SYTL2: variants seen among roughly 807,000 people sequenced by gnomAD.
The protein encoded by SYTL2 is synaptotagmin like 2.
SYTL2 carries 165 observed loss-of-function variants against 198.7 expected under a neutral mutation model. The ratio of observed to expected loss-of-function variants is 0.83; its 90% CI spans 0.73 to 0.94. The LOEUF (loss-of-function observed/expected upper bound fraction) is 0.94, where lower values mean the gene tolerates loss of function less well. Ranked by LOEUF, SYTL2 falls within the 40% of genes least tolerant of loss-of-function variation. SYTL2 has a pLI of 0.00. For missense variants in SYTL2, 2,835 were observed against 2,582.8 expected (o/e 1.10, Z -2.12); for synonymous variants, 966 against 917.7 (o/e 1.05, Z -0.95).
intron 1 of SYTL2, among the ~76,000 whole-genome samples, chr11:85,805,103 C>CA (rs1361929469): frequency 6.6e-6 from 1 of 152,108 alleles, no homozygotes; most frequent in Non-Finnish European, 1.5e-5. Context: ...CATGCTATGA[C>CA]AATAGTTGCA....
chr11:85,784,711 G>A (rs531847915), intron 1 of SYTL2, among the ~76,000 whole-genome samples: 10 of 152,178 alleles, frequency 6.6e-5, no homozygotes, highest in South Asian at 4.2e-4. Flanking sequence ...TTACATGTTC[G>A]TTTTATTAAA....
chr11:85,848,269 G>GA, the SYTL2 span, among the ~76,000 whole-genome samples: 266 of 124,058 alleles, frequency 2.1e-3, no homozygotes, highest in African/African-American at 4.1e-3. Context: ...AAAGAAAAAA[G>GA]AAAAAAAAAA....
intron 1 of SYTL2, among the ~76,000 whole-genome samples, chr11:85,764,506 A>C (rs2092187370): frequency 6.6e-6 from 1 of 152,188 alleles, no homozygotes; most frequent in African/African-American, 2.4e-5. Context: ...TCACTGCATC[A>C]CTAATCCCCT....
At chr11:85,718,768 G>T in intron 10 of SYTL2, 22 bp downstream of exon 10, 2 of 1,609,488 alleles carry the variant, frequency 1.2e-6, no homozygotes, top group Non-Finnish European at 1.7e-6. Context: ...AGACAGACAC[G>T]CAAATACATA....
the SYTL2 span, among the ~76,000 whole-genome samples, chr11:85,838,899 G>A: frequency 1.3e-5 from 2 of 152,122 alleles, no homozygotes; most frequent in Admixed American, 1.3e-4. Context: ...TTAAAAGCAA[G>A]TTTTTATTTG....
chr11:85,833,333 T>C, the SYTL2 span, among the ~76,000 whole-genome samples: 1,148 of 148,102 alleles, frequency 7.8e-3, 53 homozygotes, highest in Non-Finnish European at 1.7e-3. Flanking sequence ...ATATATATCA[T>C]ATATATCATA....
At chr11:85,702,096 G>A (rs907912358) in intron 16 of SYTL2, among the ~76,000 whole-genome samples, 6 of 151,990 alleles carry the variant, frequency 3.9e-5, no homozygotes, top group East Asian at 3.9e-4. Context: ...TCAAAGTACC[G>A]TTTCTAGGTC....
Position 85,727,349 on chromosome 11 carries a change from G to A in SYTL2, c.2009C>T (p.Ser670Phe). The A allele has an allele frequency of 1.3e-6, 2 of 1,536,202 alleles. No homozygotes were observed. The highest frequency in any genetic ancestry group is 2.0e-5 in the Admixed American group (1 of 51,002). ...ATCAGATTCCTTGAGAACACTGTAGGAATAGTTACTATTTGAAGGAGATGC... is the reference window on the plus strand; with the variant it reads ...ATCAGATTCCTTGAGAACACTGTAGAAATAGTTACTATTTGAAGGAGATGC... ...NGASPSNSNY[S>F]YSVLKESDAE... Residue 670 changes from serine to phenylalanine, a missense_variant, in exon 8 of 20, where the codon TCC becomes TTC. Physicochemically the swap from Ser to Phe is radical, Grantham distance 155 (BLOSUM62 -2). Coordinates refer to ENST00000359152, the MANE Select transcript of SYTL2 (RefSeq NM_206927.4).
At chr11:85,834,821 G>A in the SYTL2 span, among the ~76,000 whole-genome samples, 1 of 151,448 alleles carries the variant, frequency 6.6e-6, no homozygotes, top group Non-Finnish European at 1.5e-5. Context: ...GAATGTAGTG[G>A]CACAATCAGC....
chr11:85,821,618 T>G, the SYTL2 span, among the ~76,000 whole-genome samples: 1 of 152,176 alleles, frequency 6.6e-6, no homozygotes, highest in African/African-American at 2.4e-5. Context: ...AACTGAAGAT[T>G]TCTGAGCAGA....
intron 1 of SYTL2, among the ~76,000 whole-genome samples, chr11:85,759,563 C>T (rs1179793876): frequency 2.0e-5 from 3 of 152,116 alleles, no homozygotes; most frequent in South Asian, 2.1e-4. Flanking sequence ...TTCTAGCTTC[C>T]GCTCTGAGTT....
chr11:85,730,187 G>A (rs181982381), intron 7 of SYTL2, among the ~76,000 whole-genome samples: 2 of 152,178 alleles, frequency 1.3e-5, no homozygotes, highest in East Asian at 1.9e-4. Context: ...GGTACCATTC[G>A]TTCTGAAACT....
chr11:85,818,033 G>A, the SYTL2 span, among the ~76,000 whole-genome samples: 68 of 151,262 alleles, frequency 4.5e-4, no homozygotes, highest in East Asian at 0.013. Context: ...CTCCCAAGTA[G>A]TTAGAATCAC....
At chr11:85,796,109 G>A (rs1329233933) in intron 1 of SYTL2, among the ~76,000 whole-genome samples, 1 of 152,138 alleles carries the variant, frequency 6.6e-6, no homozygotes. Flanking sequence ...TTGTGTTCAG[G>A]CAGCACAGGG....
chr11:85,782,721 ATCATCTCTCTCAAGTTCAAAGTT>A (rs1476417694), intron 1 of SYTL2, among the ~76,000 whole-genome samples: 1 of 152,118 alleles, frequency 6.6e-6, no homozygotes, highest in Non-Finnish European at 1.5e-5. Context: ...AGATATCCTA[ATCATCTCTCTCAAGTTCAAAGTT>A]TCATCTCTCT....
the SYTL2 span, among the ~76,000 whole-genome samples, chr11:85,833,899 C>T: frequency 2.0e-5 from 3 of 151,744 alleles, no homozygotes; most frequent in Non-Finnish European, 4.4e-5. Flanking sequence ...TCACCATGCC[C>T]GGCTAATTTT....
intron 1 of SYTL2, among the ~76,000 whole-genome samples, chr11:85,806,309 C>T (rs1019415316): frequency 1.3e-5 from 2 of 152,200 alleles, no homozygotes; most frequent in Non-Finnish European, 2.9e-5. Context: ...CTCCCCCTCT[C>T]CAGTTCTGAG....
rs116541885 is a variant in SYTL2, at chr11:85,753,358, C to T, written c.101+4267G>A. 2.7e-3 allele frequency among the ~76,000 whole-genome samples: 416 copies of T among 152,068 alleles called. 2 individuals are homozygous for T. The highest frequency in any genetic ancestry group is 9.6e-3 in the African/African-American group (397 of 41,478). ...GGAGTTAGGGAAGCAGGCTGTGTAGCGATACATGGTAATAACTGGGTCCAG... is the reference window on the plus strand; with the variant it reads ...GGAGTTAGGGAAGCAGGCTGTGTAGTGATACATGGTAATAACTGGGTCCAG... On this transcript the variant is annotated intron_variant, in intron 2 of 19. Coordinates refer to ENST00000359152, the MANE Select transcript of SYTL2 (RefSeq NM_206927.4).
intron 12 of SYTL2, among the ~76,000 whole-genome samples, chr11:85,713,180 C>T (rs1389068672): frequency 1.3e-5 from 2 of 152,100 alleles, no homozygotes; most frequent in Non-Finnish European, 2.9e-5. Context: ...ATCAAAGGCC[C>T]AAGAATGGAC....
Sources: gnomAD v4.1 joint callset for allele counts (sites outside exome capture counted in the v4.1 genomes callset) on GRCh38, gnomAD v4.1.1 for gene constraint, MANE v1.5 for transcripts, NCBI Gene and HGNC (gene_info 2026-07-23, HGNC 2026-07-21) for gene names.